The following UBR3 variants were observed in gnomAD, a reference collection of about 807,000 sequenced individuals.
The protein encoded by UBR3 is E3 ubiquitin-protein ligase UBR3.
In UBR3, 85 loss-of-function variants were observed where a neutral mutation model predicts 243.2. That is an observed-to-expected ratio of 0.35 (90% confidence interval 0.29 to 0.42). The LOEUF is 0.42. Ranked by LOEUF, UBR3 falls within the 10% of genes least tolerant of loss-of-function variation. UBR3 has a pLI of 1.00. For missense variants in UBR3, 1,686 were observed against 2,300.8 expected (o/e 0.73, Z 5.47); for synonymous variants, 748 against 799.8 (o/e 0.94, Z 1.09).
intron 24 of UBR3, among the ~76,000 whole-genome samples, chr2:169,962,056 G>A (rs1223433780): frequency 6.6e-6 from 1 of 151,792 alleles, no homozygotes; most frequent in Non-Finnish European, 1.5e-5. Flanking sequence ...TTCTGTCTTT[G>A]TTACTTTTTC....
chr2:169,947,634 A>G lies in UBR3; in HGVS notation c.3003A>G (p.Arg1001=), dbSNP rs2086837433. ...TGCGACACTTTATAAACTATGTTAG[A>G]GTAAGAGTTCCAGAGACTGCTCCTG... ...SNMRHFINYV[R]VRVPETAPEV... Residue 1001 remains arginine (R), a synonymous_variant, in exon 22 of 39, where the codon AGA becomes AGG. Coordinates refer to ENST00000272793, the MANE Select transcript of UBR3 (RefSeq NM_172070.4). 2.6e-6 allele frequency: 4 copies of G among 1,542,458 alleles called. No homozygotes were observed. The highest frequency in any genetic ancestry group is 4.0e-5 in the Admixed American group (2 of 49,766).
At chr2:170,065,430 G>C (rs1488841521) in intron 35 of UBR3, among the ~76,000 whole-genome samples, 1 of 151,940 alleles carries the variant, frequency 6.6e-6, no homozygotes, top group Non-Finnish European at 1.5e-5. Flanking sequence ...CGGATTACAG[G>C]TGCGCACCAC....
intron 1 of UBR3, among the ~76,000 whole-genome samples, chr2:169,849,075 C>T (rs986430598): frequency 6.6e-6 from 1 of 152,190 alleles, no homozygotes; most frequent in Non-Finnish European, 1.5e-5. Flanking sequence ...GGATTCACCA[C>T]CAGACTGGCA....
At chr2:169,929,238 A>G (rs1051199298) in intron 18 of UBR3, among the ~76,000 whole-genome samples, 3 of 152,236 alleles carry the variant, frequency 2.0e-5, no homozygotes, top group Admixed American at 1.3e-4. Flanking sequence ...AAACAGCAAA[A>G]GAATCCTCAC....
rs1297346396 is a variant in UBR3 at position 170,061,004 on chromosome 2, C to T, written c.4786-75C>T. On this transcript the variant is annotated intron_variant, in intron 33 of 38. Transcript: ENST00000272793. ...AATATAATCACAGTTTTACTCTACT[C>T]ATTAAAAATTATTTCCAATGTAAAT... The T allele has an allele frequency of 5.0e-6, 5 of 998,948 alleles. No homozygotes were observed. The African/African-American group carries it at 6.8e-5, about 14-fold the overall frequency. 61.9% of individuals were successfully genotyped at this position (998,948 alleles called of 1,614,324 possible).
At chr2:169,912,540 T>C (rs1031366854) in intron 10 of UBR3, among the ~76,000 whole-genome samples, 3 of 152,242 alleles carry the variant, frequency 2.0e-5, no homozygotes, top group African/African-American at 7.2e-5. Flanking sequence ...GTATCAGTAC[T>C]TCATTCCTTT....
chr2:170,036,067 AGTTT>A (rs1281860316), intron 31 of UBR3, among the ~76,000 whole-genome samples: 4 of 151,974 alleles, frequency 2.6e-5, no homozygotes, highest in African/African-American at 9.7e-5. Flanking sequence ...TTTTTTGGTC[AGTTT>A]GTTCAGATTT....
intron 11 of UBR3, among the ~76,000 whole-genome samples, chr2:169,920,386 C>T (rs1001261411): frequency 2.6e-5 from 4 of 152,186 alleles, no homozygotes; most frequent in Admixed American, 1.3e-4. Context: ...TTAATGGGTG[C>T]AGCACACCAA....
chr2:169,927,236 C>T, intron 16 of UBR3, 84 bp from the exon 17 acceptor site: 1 of 1,243,434 alleles, frequency 8.0e-7, no homozygotes, highest in Non-Finnish European at 1.1e-6. Flanking sequence ...TTTGGTAAAA[C>T]AGCTTAGTAA....
In UBR3 at chr2:169,989,125, G is replaced by A. The variant is rs911565130; in HGVS notation, c.3784+2331G>A. ...GTTCCCTCCTTATTAGAATTATTTCGAAGCAGATTTTAGACATCATATAAT... is the reference window on the plus strand; with the variant it reads ...GTTCCCTCCTTATTAGAATTATTTCAAAGCAGATTTTAGACATCATATAAT... On this transcript the variant is annotated intron_variant, in intron 25 of 38. Coordinates refer to ENST00000272793, the MANE Select transcript of UBR3 (RefSeq NM_172070.4). 5.3e-5 allele frequency among the ~76,000 whole-genome samples: 8 copies of A among 152,142 alleles called. 1 individual carries two copies. Among genetic ancestry groups the A allele is most frequent in the South Asian group, 2.1e-4 (1 of 4,816 alleles).
intron 24 of UBR3, among the ~76,000 whole-genome samples, chr2:169,968,321 C>T (rs767332487): frequency 2.0e-4 from 31 of 152,134 alleles, no homozygotes; most frequent in African/African-American, 7.2e-4. Context: ...TATGTTTGTA[C>T]GCATTAACCA....
At chr2:169,908,282 G>A (rs556861081) in intron 10 of UBR3, among the ~76,000 whole-genome samples, 3 of 152,330 alleles carry the variant, frequency 2.0e-5, no homozygotes, top group Admixed American at 1.3e-4. Flanking sequence ...AGTGGGACCT[G>A]TGTAGTGATT....
intron 35 of UBR3, among the ~76,000 whole-genome samples, chr2:170,066,294 C>T (rs983536855): frequency 6.6e-6 from 1 of 152,138 alleles, no homozygotes; most frequent in African/African-American, 2.4e-5. Context: ...TTTCTACCAC[C>T]ATGTTAGGAC....
chr2:170,038,995 G>T (rs555919431), intron 31 of UBR3, among the ~76,000 whole-genome samples: 1 of 151,244 alleles, frequency 6.6e-6, no homozygotes, highest in African/African-American at 2.4e-5. Flanking sequence ...TAGAGAGTTC[G>T]AGAGAGTCAT....
chr2:169,851,486 C>T (rs565092670), intron 1 of UBR3, among the ~76,000 whole-genome samples: 3 of 152,280 alleles, frequency 2.0e-5, no homozygotes, highest in South Asian at 4.1e-4. Flanking sequence ...TTTTACAAAC[C>T]CCTTTCCTAC....
intron 36 of UBR3, 109 bp downstream of exon 36, chr2:170,073,716 A>G: frequency 8.6e-7 from 1 of 1,159,504 alleles, no homozygotes. Context: ...AGCAATTATA[A>G]AACTTGATTA....
chr2:170,013,397 G>A (rs1220824979), intron 29 of UBR3, among the ~76,000 whole-genome samples: 1 of 152,054 alleles, frequency 6.6e-6, no homozygotes, highest in African/African-American at 2.4e-5. Context: ...GAGCACAGGA[G>A]TTCAAGTGCA....
At chr2:169,927,034 G>A (rs2085935807) in intron 16 of UBR3, 63 bp downstream of exon 16, 1 of 1,512,196 alleles carries the variant, frequency 6.6e-7, no homozygotes, top group African/African-American at 1.4e-5. Flanking sequence ...CCCCCTCCCT[G>A]TGGTAGTAAC....
At chr2:169,895,819 C>G (rs1019949274) in intron 7 of UBR3, among the ~76,000 whole-genome samples, 1 of 152,028 alleles carries the variant, frequency 6.6e-6, no homozygotes, top group Admixed American at 6.6e-5. Context: ...TCAGAACCCA[C>G]CTGTTACTAT....
Sources: gnomAD v4.1 joint callset for allele counts (sites outside exome capture counted in the v4.1 genomes callset) on GRCh38, gnomAD v4.1.1 for gene constraint, MANE v1.5 for transcripts, NCBI Gene and HGNC (gene_info 2026-07-23, HGNC 2026-07-21) for gene names.